Variants in TAPT1 observed in about 807,000 individuals in gnomAD.
The protein encoded by TAPT1 is transmembrane anterior posterior transformation 1, also known as transmembrane anterior posterior transformation protein 1 homolog.
Under a neutral mutation model 65.6 loss-of-function variants are expected in TAPT1, and 28 were observed. The observed-to-expected ratio is 0.43, with a 90% CI of 0.32 to 0.59. The LOEUF (loss-of-function observed/expected upper bound fraction) is 0.59. Ranked by LOEUF, TAPT1 falls within the 20% of genes least tolerant of loss-of-function variation. The probability of loss-of-function intolerance (pLI) is 0.09; values close to 1 mark genes in which losing one functional copy is unlikely to be tolerated. For synonymous variants in TAPT1, 278 were observed against 245.2 expected (o/e 1.13, Z -1.25); for missense variants, 563 against 679.9 (o/e 0.83, Z 1.91).
chr4:16,170,312 A>C (rs1003364004), intron 12 of TAPT1, among the ~76,000 whole-genome samples: 2 of 152,270 alleles, frequency 1.3e-5, no homozygotes, highest in Admixed American at 1.3e-4. Context: ...TGTGGCAAAC[A>C]TATTGGAGGG....
chr4:16,209,828 C>T (rs1319569525), intron 2 of TAPT1, among the ~76,000 whole-genome samples: 1 of 152,158 alleles, frequency 6.6e-6, no homozygotes, highest in African/African-American at 2.4e-5. Flanking sequence ...GTATCTGACA[C>T]CTAATCCTTA....
At chr4:16,198,450 T>C (rs1042333286) in intron 3 of TAPT1, among the ~76,000 whole-genome samples, 1 of 152,180 alleles carries the variant, frequency 6.6e-6, no homozygotes, top group Admixed American at 6.5e-5. Flanking sequence ...AGCATTGTGA[T>C]TAATTTGACA....
intron 2 of TAPT1, among the ~76,000 whole-genome samples, chr4:16,205,536 T>C (rs1750286949): frequency 6.6e-6 from 1 of 152,104 alleles, no homozygotes; most frequent in African/African-American, 2.4e-5. Context: ...GCATGCTAAG[T>C]GCCAGATGAA....
rs1748217868 is a variant in TAPT1 at position 16,174,706 on chromosome 4, A to G, written c.1131T>C (p.Ser377=). ...TADVYSEYRA[S]LAFDLVSSRQ... Reference sequence around the variant, plus strand: ...GGCTGCTAACAAGGTCAAAAGCAAGACTGGCTCTATATTCACTGTAGACCT... The same window carrying G: ...GGCTGCTAACAAGGTCAAAAGCAAGGCTGGCTCTATATTCACTGTAGACCT... The change falls in exon 10 of 14, where the codon AGT becomes AGC. Residue 377 remains serine, a synonymous_variant. Transcript: ENST00000405303. 1 of 1,592,868 alleles carries G rather than the reference A, an allele frequency of 6.3e-7. No individual in the cohort carries two copies. Among genetic ancestry groups the G allele is most frequent in the Admixed American group, 1.7e-5 (1 of 57,310 alleles).
At chr4:16,224,266 C>T (rs887205994) in intron 1 of TAPT1, among the ~76,000 whole-genome samples, 2 of 152,094 alleles carry the variant, frequency 1.3e-5, no homozygotes, top group African/African-American at 4.8e-5. Context: ...GGAAGGATTA[C>T]AGAGCAGGGG....
intron 1 of TAPT1, 26 bp from the exon 2 acceptor site, chr4:16,213,924 C>CA (rs961593088): frequency 2.5e-6 from 4 of 1,573,360 alleles, no homozygotes; most frequent in Non-Finnish European, 3.4e-6. Context: ...TGACAGAAAA[C>CA]AAAAAGAACA....
chr4:16,209,026 G>A (rs1750506551), intron 2 of TAPT1, among the ~76,000 whole-genome samples: 1 of 152,034 alleles, frequency 6.6e-6, no homozygotes, highest in Non-Finnish European at 1.5e-5. Flanking sequence ...ACCACTCCTG[G>A]CTAATTTTTG....
chr4:16,198,313 T>C (rs1033548239), intron 3 of TAPT1, among the ~76,000 whole-genome samples: 1 of 152,204 alleles, frequency 6.6e-6, no homozygotes, highest in South Asian at 2.1e-4. Context: ...GTACAAGATG[T>C]AAATCTGCAA....
At chr4:16,224,125 T>C (rs1212333582) in intron 1 of TAPT1, among the ~76,000 whole-genome samples, 1 of 152,226 alleles carries the variant, frequency 6.6e-6, no homozygotes, top group Non-Finnish European at 1.5e-5. Context: ...TCCGAGCATC[T>C]AGCCGTGGAG....
At chr4:16,203,622 G>A (rs1750172399) in intron 2 of TAPT1, among the ~76,000 whole-genome samples, 1 of 152,148 alleles carries the variant, frequency 6.6e-6, no homozygotes, top group Non-Finnish European at 1.5e-5. Context: ...ACAGAGGAGA[G>A]ATAATATGAA....
At chr4:16,188,611 G>A (rs1017420646) in intron 4 of TAPT1, among the ~76,000 whole-genome samples, 3 of 152,086 alleles carry the variant, frequency 2.0e-5, no homozygotes, top group African/African-American at 7.2e-5. Context: ...CTTAAATAGT[G>A]GCAAAAATAA....
intron 7 of TAPT1, among the ~76,000 whole-genome samples, chr4:16,183,446 A>C (rs1464231475): frequency 6.6e-6 from 1 of 152,068 alleles, no homozygotes; most frequent in African/African-American, 2.4e-5. Context: ...TTGAATACCT[A>C]ATCTTTCTAA....
chr4:16,191,596 C>G, intron 3 of TAPT1, 73 bp from the exon 4 acceptor site: 2 of 1,380,618 alleles, frequency 1.4e-6, no homozygotes, highest in Non-Finnish European at 2.0e-6. Context: ...AATCTTTACT[C>G]GATATACACT....
At chr4:16,176,565 G>A (rs555578863) in intron 8 of TAPT1, 171 of 158,682 alleles carry the variant, frequency 1.1e-3, no homozygotes, top group Non-Finnish European at 2.0e-3. Context: ...GCATAGTGGC[G>A]TGCACCTGTA....
intron 5 of TAPT1, among the ~76,000 whole-genome samples, chr4:16,187,934 T>A (rs1213726956): frequency 1.3e-5 from 2 of 152,220 alleles, no homozygotes; most frequent in Non-Finnish European, 2.9e-5. Context: ...ATATCAGGTA[T>A]GTATAAAGAT....
At chr4:16,217,071 G>C (rs1437863735) in intron 1 of TAPT1, among the ~76,000 whole-genome samples, 1 of 152,048 alleles carries the variant, frequency 6.6e-6, no homozygotes, top group Non-Finnish European at 1.5e-5. Context: ...CTTGGTCTGA[G>C]AATCCCCTAC....
upstream of TAPT1, chr4:16,227,204 G>T (rs753901984): frequency 2.9e-5 from 13 of 455,534 alleles, no homozygotes; most frequent in Admixed American, 9.4e-5. Flanking sequence ...GAGGGGCCGC[G>T]GCCGGACCGG....
At chr4:16,172,391 C>T (rs1463368764) in intron 11 of TAPT1, among the ~76,000 whole-genome samples, 1 of 151,564 alleles carries the variant, frequency 6.6e-6, no homozygotes, top group Admixed American at 6.6e-5. Context: ...TAGGTTTATC[C>T]TTATATTTGT....
intron 1 of TAPT1, among the ~76,000 whole-genome samples, chr4:16,220,941 C>G (rs1751216613): frequency 6.6e-6 from 1 of 151,774 alleles, no homozygotes; most frequent in Non-Finnish European, 1.5e-5. Context: ...ACTATGTTGC[C>G]TAGGCTGGTC....
Sources: gnomAD v4.1 joint callset for allele counts (sites outside exome capture counted in the v4.1 genomes callset) on GRCh38, gnomAD v4.1.1 for gene constraint, MANE v1.5 for transcripts, NCBI Gene and HGNC (gene_info 2026-07-23, HGNC 2026-07-21) for gene names.